The following GPA33 variants were observed in gnomAD, a reference collection of about 807,000 sequenced individuals.
GPA33 encodes cell surface A33 antigen.
A neutral mutation model predicts 35.6 loss-of-function variants in GPA33; 27 were observed. That is an observed-to-expected ratio of 0.76 (90% CI 0.56 to 1.04). The LOEUF is 1.04. Ranked by LOEUF, GPA33 falls within the 50% of genes least tolerant of loss-of-function variation. The pLI is 0.00. For missense variants in GPA33, 428 were observed against 411.9 expected (o/e 1.04, Z -0.34); for synonymous variants, 176 against 164.0 (o/e 1.07, Z -0.56).
At chr1:167,063,859 T>G (rs1000277193) in intron 3 of GPA33, 122 bp from the exon 4 acceptor site, 2 of 642,132 alleles carry the variant, frequency 3.1e-6, no homozygotes, top group African/African-American at 4.7e-5. Context: ...GGCAGAAAAC[T>G]CCATAGTTGA....
intron 4 of GPA33, among the ~76,000 whole-genome samples, chr1:167,056,506 G>T (rs1424596151): frequency 8.4e-6 from 1 of 118,930 alleles, no homozygotes; most frequent in African/African-American, 3.1e-5. Context: ...TGTGTGGTGT[G>T]TCAGTGATGT....
intron 4 of GPA33, among the ~76,000 whole-genome samples, chr1:167,056,724 T>TTTTGGG (rs1666290391): frequency 9.7e-5 from 1 of 10,278 alleles, no homozygotes. Context: ...GTGTGTAGTG[T>TTTTGGG]GTGATGTATG....
chr1:167,056,705 G>A (rs1187123817), intron 4 of GPA33, among the ~76,000 whole-genome samples: 1 of 92,172 alleles, frequency 1.1e-5, no homozygotes, highest in Non-Finnish European at 2.3e-5. Flanking sequence ...TGTGTGGTGT[G>A]TGTAGTGTGT....
chr1:167,063,676 C>T lies in GPA33; in HGVS notation c.477G>A (p.Gln159=), dbSNP rs766535525. ...AGCCCTCCTTTGATTGGCAGGTCAG[C>T]TGGATGTTGTTCCCAATTATGGTCT... ...EGETIIGNNI[Q]LTCQSKEGSP... Residue 159 remains glutamine (Q), a synonymous_variant, in exon 4 of 7, where the codon CAG becomes CAA. Transcript: ENST00000367868. 6 of 1,613,646 alleles carry T rather than the reference C, an allele frequency of 3.7e-6. No homozygotes were observed. In the South Asian group the frequency reaches 5.5e-5, roughly 15 times the overall value.
chr1:167,059,672 ACT>A (rs1558003455), intron 4 of GPA33, among the ~76,000 whole-genome samples: 1 of 151,840 alleles, frequency 6.6e-6, no homozygotes, highest in East Asian at 1.9e-4. Flanking sequence ...AGTGCATGAA[ACT>A]CAGCTTCCTG....
rs1666231044 is a variant in GPA33, at chr1:167,055,749, G to A, written c.672C>T (p.Ile224=). The A allele has an allele frequency of 1.2e-6, 2 of 1,613,956 alleles. No individual in the cohort carries two copies. The highest frequency in any genetic ancestry group is 1.7e-5 in the Admixed American group (1 of 60,006). The change falls in exon 5 of 7, where the codon ATC becomes ATT. Residue 224 remains isoleucine (I), a synonymous_variant. Coordinates refer to ENST00000367868, the MANE Select transcript of GPA33 (RefSeq NM_005814.3). ...SNEEGTQFCN[I]TVAVRSPSMN... is the part of the protein sequence containing the mutation. ...TCTTACGAGATCTGACGGCCACCGT[G>A]ATGTTGCAGAACTGCGTCCCCTCCT...
At chr1:167,065,476 G>A (rs983557623) in intron 3 of GPA33, among the ~76,000 whole-genome samples, 1 of 152,196 alleles carries the variant, frequency 6.6e-6, no homozygotes, top group Non-Finnish European at 1.5e-5. Flanking sequence ...GAATCCCTAG[G>A]TGGCAAGCCT....
chr1:167,058,609 C>A (rs1286867500), intron 4 of GPA33: 1 of 152,192 alleles, frequency 6.6e-6, no homozygotes, highest in Non-Finnish European at 1.5e-5. Context: ...CTTCCCTTGA[C>A]CCCCAGGACA....
At chr1:167,080,222 G>A (rs956327131) in intron 1 of GPA33, among the ~76,000 whole-genome samples, 7 of 152,102 alleles carry the variant, frequency 4.6e-5, no homozygotes, top group East Asian at 1.9e-4. Flanking sequence ...GAGCTCTTCT[G>A]ATGCTCAAGA....
At chr1:167,054,569 C>A in intron 6 of GPA33, 103 bp from the exon 7 acceptor site, 1 of 1,401,120 alleles carries the variant, frequency 7.1e-7, no homozygotes, top group Non-Finnish European at 9.9e-7. Flanking sequence ...TCCAGACCTC[C>A]TCCCCACCCA....
chr1:167,055,876 A>G (rs1340330780), intron 4 of GPA33, 27 bp from the exon 5 acceptor site: 1 of 1,613,258 alleles, frequency 6.2e-7, no homozygotes, highest in Admixed American at 1.7e-5. Context: ...GTCAGGGTGA[A>G]GAGAGGCACT....
Position 167,054,655 on chromosome 1 carries a change from G to T in GPA33, c.828-189C>A, listed in dbSNP as rs371904851. On this transcript the variant is annotated intron_variant, in intron 6 of 6. Coordinates refer to ENST00000367868, the MANE Select transcript of GPA33 (RefSeq NM_005814.3). ...CACAGACTTGTTCCACGCATGAGCTGAGGGGGTTACAGGAACAGGCTGGCT... is the reference window on the plus strand; with the variant it reads ...CACAGACTTGTTCCACGCATGAGCTTAGGGGGTTACAGGAACAGGCTGGCT... Among the ~76,000 whole-genome samples the T allele has an allele frequency of 1.1e-3, 169 of 152,238 alleles. 1 individual carries two copies. The highest frequency in any genetic ancestry group is 3.9e-3 in the African/African-American group (161 of 41,536).
rs555102601 is a variant in GPA33, at chr1:167,069,305, T to C, written c.199-167A>G. On this transcript the variant is annotated intron_variant, in intron 2 of 6. Coordinates refer to ENST00000367868, the MANE Select transcript of GPA33 (RefSeq NM_005814.3). ...TATGTGCTACCCATTTGTGGATTTC[T>C]TGTATTATATATATATTTTTTTAGT... Among the ~76,000 whole-genome samples the C allele has an allele frequency of 4.6e-5, 7 of 152,302 alleles. No homozygotes were observed. The East Asian group carries it at 1.3e-3, about 29-fold the overall frequency.
At chr1:167,081,876 G>A (rs543572221) in intron 1 of GPA33, among the ~76,000 whole-genome samples, 1 of 152,212 alleles carries the variant, frequency 6.6e-6, no homozygotes, top group Non-Finnish European at 1.5e-5. Flanking sequence ...ACTGAGCTGG[G>A]TCCTAATAAG....
At chr1:167,085,224 T>G (rs1047359299) in intron 1 of GPA33, among the ~76,000 whole-genome samples, 28 of 152,232 alleles carry the variant, frequency 1.8e-4, no homozygotes, top group Non-Finnish European at 4.0e-4. Context: ...TGACATTTCA[T>G]GGCAGGACAG....
chr1:167,056,827 AG>A (rs1666307690), intron 4 of GPA33, among the ~76,000 whole-genome samples: 7 of 9,128 alleles, frequency 7.7e-4, no homozygotes, highest in Middle Eastern at 0.071. Flanking sequence ...CAGCGTTTGT[AG>A]TGTGTGTGGT....
chr1:167,068,163 G>C (rs149679318), intron 3 of GPA33, among the ~76,000 whole-genome samples: 7 of 151,790 alleles, frequency 4.6e-5, no homozygotes, highest in Non-Finnish European at 8.8e-5. Flanking sequence ...AAAAGGAAGA[G>C]GGAAAAAAGA....
At chr1:167,082,632 G>A (rs1231720234) in intron 1 of GPA33, among the ~76,000 whole-genome samples, 2 of 152,184 alleles carry the variant, frequency 1.3e-5, no homozygotes, top group Non-Finnish European at 2.9e-5. Context: ...GGGCACAGTT[G>A]GAAAGCCAGC....
intron 1 of GPA33, among the ~76,000 whole-genome samples, chr1:167,078,319 T>C (rs967299481): frequency 3.9e-5 from 6 of 152,238 alleles, no homozygotes; most frequent in African/African-American, 1.4e-4. Flanking sequence ...GCTTCACACA[T>C]ACACTTAGAT....
Sources: allele counts gnomAD v4.1 joint callset (sites outside exome capture counted in the v4.1 genomes callset), GRCh38; gene constraint gnomAD v4.1.1; transcripts MANE v1.5; gene names NCBI Gene and HGNC (gene_info 2026-07-23, HGNC 2026-07-21).